ABCG2: variants seen among roughly 807,000 people sequenced by gnomAD.
ABCG2 encodes broad substrate specificity ATP-binding cassette transporter ABCG2.
Under a neutral mutation model 73.5 loss-of-function variants are expected in ABCG2, and 80 were observed. That is an observed-to-expected ratio of 1.09 (90% confidence interval 0.91 to 1.31). The LOEUF (loss-of-function observed/expected upper bound fraction) is 1.31, where lower values mean the gene tolerates loss of function less well. Ranked by LOEUF, ABCG2 falls within the 50% of genes most tolerant of loss-of-function variation. The pLI, the probability that ABCG2 is intolerant of heterozygous loss-of-function variation, is 0.00. For missense variants in ABCG2, 796 were observed against 786.2 expected (o/e 1.01, Z -0.15); for synonymous variants, 269 against 282.4 (o/e 0.95, Z 0.48).
chr4:88,183,223 G>A (rs1156280800), intron 1 of ABCG2, among the ~76,000 whole-genome samples: 5 of 150,980 alleles, frequency 3.3e-5, no homozygotes, highest in African/African-American at 1.2e-4. Context: ...ATGAAGATCA[G>A]AGCAAAATAA....
intron 1 of ABCG2, among the ~76,000 whole-genome samples, chr4:88,186,915 T>C (rs1160243315): frequency 2.4e-3 from 116 of 48,204 alleles, no homozygotes; most frequent in African/African-American, 0.011. Context: ...CGAGACTCCG[T>C]CTCAAAAAAA....
intron 1 of ABCG2, among the ~76,000 whole-genome samples, chr4:88,204,123 T>C (rs2110117117): frequency 6.6e-6 from 1 of 152,028 alleles, no homozygotes; most frequent in South Asian, 2.1e-4. Flanking sequence ...ACACCTCAGC[T>C]GTAAAGAATT....
intron 8 of ABCG2, 86 bp downstream of exon 8, chr4:88,114,871 A>C: frequency 2.4e-6 from 2 of 840,940 alleles, no homozygotes; most frequent in Non-Finnish European, 3.8e-6. Context: ...GAAATTCACA[A>C]AGCCACATTT....
chr4:88,218,914 C>T (rs939995572), intron 1 of ABCG2, among the ~76,000 whole-genome samples: 1 of 152,072 alleles, frequency 6.6e-6, no homozygotes, highest in Non-Finnish European at 1.5e-5. Context: ...AGTCTTTTTC[C>T]AATCACTCTA....
At chr4:88,150,572 C>T (rs755818054) in intron 1 of ABCG2, among the ~76,000 whole-genome samples, 2 of 152,150 alleles carry the variant, frequency 1.3e-5, no homozygotes, top group South Asian at 4.1e-4. Flanking sequence ...CAGGAGTGTC[C>T]AATCTTTTGG....
intron 1 of ABCG2, among the ~76,000 whole-genome samples, chr4:88,225,766 T>C (rs931072725): frequency 1.3e-5 from 2 of 152,118 alleles, no homozygotes; most frequent in Non-Finnish European, 2.9e-5. Flanking sequence ...TACCCAAGAC[T>C]GGGTAATTTA....
chr4:88,211,168 A>C (rs1162747894), intron 1 of ABCG2, among the ~76,000 whole-genome samples: 1 of 151,980 alleles, frequency 6.6e-6, no homozygotes, highest in African/African-American at 2.4e-5. Flanking sequence ...TAAGGAGAGG[A>C]TGTGCTAAAC....
At chr4:88,165,590 G>A (rs1184748506) in intron 1 of ABCG2, among the ~76,000 whole-genome samples, 2 of 152,172 alleles carry the variant, frequency 1.3e-5, no homozygotes, top group African/African-American at 2.4e-5. Flanking sequence ...TTTGGGCCAG[G>A]TACATTCATC....
intron 1 of ABCG2, among the ~76,000 whole-genome samples, chr4:88,224,522 C>T (rs746625441): frequency 2.6e-5 from 4 of 151,456 alleles, no homozygotes; most frequent in Admixed American, 2.0e-4. Context: ...AACAGGGTCT[C>T]TCTCTGTTGC....
chr4:88,213,680 A>G (rs376330834), intron 1 of ABCG2, among the ~76,000 whole-genome samples: 45 of 151,620 alleles, frequency 3.0e-4, no homozygotes, highest in African/African-American at 1.1e-3. Context: ...TAAACATGCT[A>G]TATTTCTTTT....
At chr4:88,218,689 A>T (rs1010649973) in intron 1 of ABCG2, among the ~76,000 whole-genome samples, 3 of 152,214 alleles carry the variant, frequency 2.0e-5, no homozygotes, top group Non-Finnish European at 4.4e-5. Context: ...ACGTACGCAC[A>T]TGCAATGTTC....
chr4:88,113,189 A>G (rs1723259140), intron 9 of ABCG2, 114 bp downstream of exon 9: 1 of 1,341,172 alleles, frequency 7.5e-7, no homozygotes, highest in Non-Finnish European at 1.0e-6. Flanking sequence ...TCCCAGGTGG[A>G]GTGAAGATAA....
intron 5 of ABCG2, among the ~76,000 whole-genome samples, chr4:88,126,722 A>G (rs1012958546): frequency 6.6e-6 from 1 of 152,220 alleles, no homozygotes; most frequent in Non-Finnish European, 1.5e-5. Flanking sequence ...GATAAAATTC[A>G]ACACCCCTTC....
rs932027380 is a variant in ABCG2, at chr4:88,091,567, G to C, written c.*667C>G. ...AAGGTTACGTGACCTCCCAGAGCTA[G>C]AATGTTCCAGAAATGGTGCAAGAAT... On this transcript the variant is annotated 3_prime_UTR_variant, in exon 16 of 16. Transcript: ENST00000237612. 1.3e-5 allele frequency: 2 copies of C among 152,090 alleles called. No homozygotes were observed. Among genetic ancestry groups the C allele is most frequent in the Non-Finnish European group, 2.9e-5 (2 of 68,038 alleles). 9.4% of individuals were successfully genotyped at this position (152,090 alleles called of 1,614,324 possible).
At chr4:88,121,945 G>C (rs1724030771) in intron 5 of ABCG2, among the ~76,000 whole-genome samples, 153 bp from the exon 6 acceptor site, 1 of 152,088 alleles carries the variant, frequency 6.6e-6, no homozygotes, top group African/African-American at 2.4e-5. Context: ...AGAAAAAGTA[G>C]GTATCTCTTT....
chr4:88,167,370 C>CTT lies in ABCG2; in HGVS notation c.-19-27358_-19-27357dup, dbSNP rs551648302. 7.9e-3 allele frequency among the ~76,000 whole-genome samples: 796 copies of CTT among 101,398 alleles called. 13 individuals carry two copies. The highest frequency in any genetic ancestry group is 9.2e-3 in the Non-Finnish European group (490 of 53,472). 66.5% of individuals were successfully genotyped at this position (101,398 alleles called of 152,430 possible). ...CTTTGAACCCAACTGTCCCTTCTGC[C>CTT]TTTTTTTTTTTTTTTTTTTTTGAGA... On this transcript the variant is annotated intron_variant, in intron 1 of 15. Coordinates refer to the ABCG2 transcript ENST00000515655.
At chr4:88,171,858 C>A (rs921703047) in intron 1 of ABCG2, among the ~76,000 whole-genome samples, 2 of 152,138 alleles carry the variant, frequency 1.3e-5, no homozygotes, top group African/African-American at 4.8e-5. Flanking sequence ...ATGGCATGTG[C>A]CTGTAATCCC....
intron 5 of ABCG2, among the ~76,000 whole-genome samples, chr4:88,124,472 G>C (rs1382418204): frequency 6.6e-6 from 1 of 152,140 alleles, no homozygotes; most frequent in Non-Finnish European, 1.5e-5. Flanking sequence ...AGGAAGATCT[G>C]TCAAGCAAAT....
intron 1 of ABCG2, among the ~76,000 whole-genome samples, chr4:88,191,759 TA>T (rs1728702981): frequency 6.6e-6 from 1 of 152,116 alleles, no homozygotes; most frequent in African/African-American, 2.4e-5. Context: ...ACTTATACAA[TA>T]AAAAATCGTT....
Sources: gnomAD v4.1 joint callset for allele counts (sites outside exome capture counted in the v4.1 genomes callset) on GRCh38, gnomAD v4.1.1 for gene constraint, MANE v1.5 for transcripts, NCBI Gene and HGNC (gene_info 2026-07-23, HGNC 2026-07-21) for gene names.